The following CAPN8 variants were observed in gnomAD, a reference collection of about 807,000 sequenced individuals.
The protein encoded by CAPN8 is calpain-8.
CAPN8 carries 87 observed loss-of-function variants against 80.9 expected under a neutral mutation model. The ratio of observed to expected loss-of-function variants is 1.07; its 90% CI spans 0.90 to 1.28. The LOEUF (loss-of-function observed/expected upper bound fraction) is 1.28, where lower values mean the gene tolerates loss of function less well. CAPN8 is among the 50% of genes most tolerant of loss of function. CAPN8 has a pLI of 0.00. For synonymous variants in CAPN8, 299 were observed against 273.8 expected, an observed-to-expected ratio of 1.09 and a Z score of -0.91; for missense variants, 757 against 702.0, an observed-to-expected ratio of 1.08 and a Z score of -0.89.
chr1:223,541,852 C>A lies in CAPN8; in HGVS notation c.2096G>T (p.Cys699Phe). 1.0e-5 allele frequency: 16 copies of A among 1,549,186 alleles called. No individual in the cohort carries two copies. Among genetic ancestry groups the A allele is most frequent in the Non-Finnish European group, 1.4e-5 (16 of 1,146,582 alleles). The change falls in exon 21 of 21, where the codon TGC becomes TTC. Residue 699 changes from cysteine to phenylalanine, a missense_variant. Coordinates refer to ENST00000366872, the MANE Select transcript of CAPN8 (RefSeq NM_001143962.2). ...MVQLSLAEWL[C>F]CVLV ...AACCCCGGGTCAGACCAACACGCAG[C>A]ACAGCCACTGCAAAGGAAAGGGACA...
Position 223,622,503 on chromosome 1 carries a change from T to C in CAPN8, c.899+312A>G, listed in dbSNP as rs1657427785. Reference sequence around the variant, plus strand: ...AGAAACAGACTGTGAGTGATCGATTTGACCTTTGGACCAGCACGGTGCGTC... The same window carrying C: ...AGAAACAGACTGTGAGTGATCGATTCGACCTTTGGACCAGCACGGTGCGTC... On this transcript the variant is annotated intron_variant, in intron 7 of 20. Coordinates refer to ENST00000366872, the MANE Select transcript of CAPN8 (RefSeq NM_001143962.2). 1.6e-5 allele frequency: 6 copies of C among 367,728 alleles called. No homozygotes were observed. The Admixed American group carries it at 2.6e-4, about 16-fold the overall frequency. 22.8% of individuals were successfully genotyped at this position (367,728 alleles called of 1,614,324 possible). A position where few individuals can be genotyped will look rare whatever the true frequency, so the allele number is the denominator to read the frequency against.
intron 20 of CAPN8, 136 bp downstream of exon 20, chr1:223,542,972 T>C: frequency 1.2e-6 from 1 of 850,098 alleles, no homozygotes; most frequent in East Asian, 2.7e-5. Context: ...CCCTGCTGGG[T>C]GCCTGCCACA....
chr1:223,614,553 T>C (rs61825171), intron 10 of CAPN8, among the ~76,000 whole-genome samples: 151,750 of 152,344 alleles, frequency 1, 75,590 homozygotes, highest in East Asian at 1. Context: ...TGAAATCAAG[T>C]TCATCTTTCA....
At chr1:223,630,169 G>T (rs1033323432) in intron 2 of CAPN8, among the ~76,000 whole-genome samples, 5 of 152,082 alleles carry the variant, frequency 3.3e-5, no homozygotes, top group Non-Finnish European at 7.4e-5. Context: ...ATCCTAGAAA[G>T]CCCTGGCCTC....
chr1:223,627,717 G>A (rs571409911), intron 4 of CAPN8, among the ~76,000 whole-genome samples: 191 of 152,152 alleles, frequency 1.3e-3, no homozygotes, highest in Admixed American at 4.5e-3. Context: ...ATTGCCCCAG[G>A]AACCTACCTT....
chr1:223,544,080 C>A lies in CAPN8; in HGVS notation c.2016G>T (p.Leu672=). Residue 672 remains leucine (L), a synonymous_variant, in exon 19 of 21, where the codon CTG becomes CTT. Coordinates refer to ENST00000366872, the MANE Select transcript of CAPN8 (RefSeq NM_001143962.2). Reference sequence around the variant, plus strand: ...AGAGTGACTCACTGAAGAGGGTCTCCAGGCGGATCATACAAGCCACGAAGC... The same window carrying A: ...AGAGTGACTCACTGAAGAGGGTCTCAAGGCGGATCATACAAGCCACGAAGC... ...FDSFVACMIR[L]ETLFKLFSLL... 1.4e-6 allele frequency: 1 copy of A among 718,116 alleles called. No homozygotes were observed. The highest frequency in any genetic ancestry group is 2.6e-6 in the Non-Finnish European group (1 of 385,078). The allele number at this position is 718,116 out of a possible 1,614,324, so 44.5% of individuals were successfully genotyped here. A position where few individuals can be genotyped will look rare whatever the true frequency, so the allele number is the denominator to read the frequency against.
chr1:223,654,110 T>G (rs1427776827), intron 2 of CAPN8, among the ~76,000 whole-genome samples: 1 of 152,140 alleles, frequency 6.6e-6, no homozygotes, highest in Non-Finnish European at 1.5e-5. Flanking sequence ...AAATCTCTCA[T>G]TAGGGGGAGC....
At chr1:223,552,584 C>T (rs948466681) in intron 14 of CAPN8, among the ~76,000 whole-genome samples, 2 of 134,116 alleles carry the variant, frequency 1.5e-5, no homozygotes, top group Admixed American at 1.5e-4. Context: ...AAAAAAAAGA[C>T]TTGAGGCCCC....
chr1:223,549,657 A>C, intron 15 of CAPN8: 1 of 565,840 alleles, frequency 1.8e-6, no homozygotes, highest in Non-Finnish European at 3.2e-6. Context: ...GCAAATTAAT[A>C]TCTTTGAGCT....
intron 2 of CAPN8, among the ~76,000 whole-genome samples, chr1:223,647,353 C>T (rs1658217335): frequency 6.6e-6 from 1 of 152,208 alleles, no homozygotes; most frequent in Non-Finnish European, 1.5e-5. Context: ...ATTTCACAGG[C>T]TTGCTTTATC....
chr1:223,542,637 TG>T (rs1319426998), intron 20 of CAPN8, among the ~76,000 whole-genome samples: 2 of 152,144 alleles, frequency 1.3e-5, no homozygotes, highest in Non-Finnish European at 2.9e-5. Context: ...CGTACAGGGG[TG>T]CAGTGTCCAC....
chr1:223,545,439 G>A (rs753172248), intron 16 of CAPN8, 140 bp from the exon 17 acceptor site: 7 of 1,298,286 alleles, frequency 5.4e-6, no homozygotes, highest in Admixed American at 4.7e-5. Context: ...TGGGGGTGAC[G>A]GTGTGTAACA....
At position 223,614,760 on chromosome 1, in the gene CAPN8, G is replaced by A. The variant is rs146113287; in HGVS notation, c.1311+1210C>T. ...GTCCTCAGCTTTCAGCACAGCACCC[G>A]GCACATAATAGATGCTCACTACAGT... On this transcript the variant is annotated intron_variant, in intron 10 of 20. Coordinates refer to ENST00000366872, the MANE Select transcript of CAPN8 (RefSeq NM_001143962.2). Among the ~76,000 whole-genome samples, 641 of 152,184 alleles carry A rather than the reference G, an allele frequency of 4.2e-3. 2 individuals carry two copies. Among genetic ancestry groups the A allele is most frequent in the Non-Finnish European group, 6.1e-3 (414 of 68,000 alleles).
rs566409877 is a variant in CAPN8 at position 223,664,081 on chromosome 1, G to A, written c.237+1329C>T. On this transcript the variant is annotated intron_variant, in intron 1 of 20. Transcript: ENST00000366872. The stretch of plus-strand genomic sequence containing the variant: ...CTCACAACCACTCTGTATGGGAGAG[G>A]TTCTCATCCCTGAGGAATCACTTGA... 4.6e-5 allele frequency among the ~76,000 whole-genome samples: 7 copies of A among 152,302 alleles called. No homozygotes were observed. The East Asian group carries it at 5.8e-4, about 13-fold the overall frequency.
intron 2 of CAPN8, among the ~76,000 whole-genome samples, chr1:223,648,245 CG>C (rs1159226875): frequency 6.6e-6 from 1 of 152,222 alleles, no homozygotes; most frequent in Non-Finnish European, 1.5e-5. Flanking sequence ...GGAGCCACCA[CG>C]GGTAGCAAAG....
chr1:223,663,556 C>T (rs576913315), intron 1 of CAPN8, among the ~76,000 whole-genome samples: 1 of 152,336 alleles, frequency 6.6e-6, no homozygotes, highest in Admixed American at 6.5e-5. Flanking sequence ...TCCTCAGCTT[C>T]TCCCTGACCA....
chr1:223,638,217 G>A lies in CAPN8; in HGVS notation c.308-9437C>T, dbSNP rs976489538. 3.9e-5 allele frequency among the ~76,000 whole-genome samples: 6 copies of A among 152,256 alleles called. No homozygotes were observed. The East Asian group carries it at 7.7e-4, about 20-fold the overall frequency. On this transcript the variant is annotated intron_variant, in intron 2 of 20. Transcript: ENST00000366872. Reference sequence around the variant, plus strand: ...TAAGTATTATAAGTAATCCAGAGGTGATTTAAAGTATATGGGAGGATATGC... The same window carrying A: ...TAAGTATTATAAGTAATCCAGAGGTAATTTAAAGTATATGGGAGGATATGC...
intron 2 of CAPN8, chr1:223,642,830 G>C (rs557695980): frequency 2.2e-6 from 1 of 456,060 alleles, no homozygotes; most frequent in African/African-American, 2.0e-5. Context: ...CATCCATCTC[G>C]TTTCTGTGAT....
chr1:223,553,205 A>G (rs1243712489), intron 14 of CAPN8, among the ~76,000 whole-genome samples: 4 of 152,072 alleles, frequency 2.6e-5, no homozygotes, highest in African/African-American at 4.8e-5. Context: ...AGTCCTGGTT[A>G]TGCTTTGACT....
Sources: allele counts gnomAD v4.1 joint callset (sites outside exome capture counted in the v4.1 genomes callset), GRCh38; gene constraint gnomAD v4.1.1; transcripts MANE v1.5; gene names NCBI Gene and HGNC (gene_info 2026-07-23, HGNC 2026-07-21).